Variants in EFCAB11 observed in about 807,000 individuals in gnomAD.
EFCAB11 encodes the protein EF-hand calcium binding domain 11, also known as EF-hand calcium-binding domain-containing protein 11.
EFCAB11 carries 14 observed loss-of-function variants against 23.0 expected under a neutral mutation model. That is an observed-to-expected ratio of 0.61 (90% CI 0.40 to 0.95). The LOEUF is 0.95. Among genes scored for constraint, EFCAB11 ranks in the 40% least tolerant of loss-of-function variants. The pLI, the probability that EFCAB11 is intolerant of heterozygous loss-of-function variation, is 0.00. For missense variants in EFCAB11, 198 were observed against 195.8 expected (o/e 1.01, Z -0.07); for synonymous variants, 65 against 66.6 (o/e 0.98, Z 0.11).
intron 5 of EFCAB11, among the ~76,000 whole-genome samples, chr14:89,815,043 A>C (rs1054715573): frequency 2.0e-5 from 3 of 152,170 alleles, no homozygotes. Context: ...ATATGGGATA[A>C]ACTGTAGGAT....
chr14:89,903,072 A>G (rs1238029809), intron 5 of EFCAB11, among the ~76,000 whole-genome samples: 1 of 152,228 alleles, frequency 6.6e-6, no homozygotes, highest in Non-Finnish European at 1.5e-5. Context: ...CCCCATGAAC[A>G]ATGCCGCATC....
intron 5 of EFCAB11, among the ~76,000 whole-genome samples, chr14:89,891,911 A>AAGCCCG (rs1207323287): frequency 2.6e-5 from 4 of 152,124 alleles, no homozygotes; most frequent in South Asian, 2.1e-4. Flanking sequence ...CCCACAGCCC[A>AAGCCCG]AGCCCGAGCC....
Position 89,892,458 on chromosome 14 carries a change from A to T in EFCAB11, c.410+39083T>A. 4 of 1,538,188 alleles carry T rather than the reference A, an allele frequency of 2.6e-6. No individual in the cohort carries two copies. In the Admixed American group the frequency reaches 6.2e-5, roughly 24 times the overall value. ...TGCCAGTGTTGACTCTAGGAGAGAA[A>T]GGGTTAAAGCAGTCCCAGCCTTAGC... On this transcript the variant is annotated intron_variant, in intron 5 of 5. Coordinates refer to ENST00000316738, the MANE Select transcript of EFCAB11 (RefSeq NM_145231.4).
intron 5 of EFCAB11, among the ~76,000 whole-genome samples, chr14:89,850,671 T>C (rs1009327790): frequency 2.0e-5 from 3 of 152,180 alleles, no homozygotes; most frequent in African/African-American, 7.2e-5. Flanking sequence ...TATGTATGTA[T>C]GTGTGTGTGT....
chr14:89,923,672 C>T (rs991136512), intron 5 of EFCAB11: 4 of 985,126 alleles, frequency 4.1e-6, no homozygotes, highest in Non-Finnish European at 4.8e-6. Context: ...GGCAGATACT[C>T]AAAGACCAAT....
At chr14:89,798,574 T>C (rs1284714210) in intron 5 of EFCAB11, among the ~76,000 whole-genome samples, 1 of 152,250 alleles carries the variant, frequency 6.6e-6, no homozygotes, top group African/African-American at 2.4e-5. Context: ...AACGGCCTTT[T>C]TTCTTTCCAC....
At position 89,919,783 on chromosome 14, in the gene EFCAB11, C is replaced by T. The variant is rs1889966738; in HGVS notation, c.410+11758G>A. Among the ~76,000 whole-genome samples, 4 of 152,246 alleles carry T rather than the reference C, an allele frequency of 2.6e-5. No homozygotes were observed. In the South Asian group the frequency reaches 8.3e-4, roughly 32 times the overall value. On this transcript the variant is annotated intron_variant, in intron 5 of 5. Transcript: ENST00000316738. ...GGGCTGGGGTAGGCAGAGGCAAGAG[C>T]GAGTGCAGGAACTACGAGGCTTCAC...
intron 4 of EFCAB11, among the ~76,000 whole-genome samples, chr14:89,932,290 T>TG (rs1890416690): frequency 6.6e-6 from 1 of 152,160 alleles, no homozygotes; most frequent in Non-Finnish European, 1.5e-5. Context: ...CCCATGACAA[T>TG]CAAGGTACAA....
At chr14:89,934,824 G>A (rs961027121) in intron 3 of EFCAB11, among the ~76,000 whole-genome samples, 1 of 152,090 alleles carries the variant, frequency 6.6e-6, no homozygotes, top group Non-Finnish European at 1.5e-5. Flanking sequence ...CCAAAATCTA[G>A]TCAATTAAGT....
chr14:89,828,429 A>G (rs946463903), intron 5 of EFCAB11, among the ~76,000 whole-genome samples: 1 of 152,162 alleles, frequency 6.6e-6, no homozygotes, highest in Non-Finnish European at 1.5e-5. Flanking sequence ...TACTTTTCTG[A>G]GTATGACAGG....
intron 5 of EFCAB11, 39 bp from the exon 6 acceptor site, chr14:89,797,363 C>A: frequency 1.3e-6 from 2 of 1,568,886 alleles, no homozygotes; most frequent in South Asian, 1.1e-5. Flanking sequence ...ACATTATTCT[C>A]GTTAACACCT....
chr14:89,924,689 CA>C (rs1280827407), intron 5 of EFCAB11: 10 of 1,534,318 alleles, frequency 6.5e-6, no homozygotes, highest in Admixed American at 2.0e-5. Context: ...TGAAATAAAG[CA>C]AAAAGAGACC....
intron 5 of EFCAB11, among the ~76,000 whole-genome samples, chr14:89,889,669 A>G (rs1205692408): frequency 6.6e-6 from 1 of 152,246 alleles, no homozygotes; most frequent in Non-Finnish European, 1.5e-5. Context: ...CCCACTGAAT[A>G]CTTGCTTTCC....
intron 5 of EFCAB11, among the ~76,000 whole-genome samples, chr14:89,867,393 G>A (rs1455974658): frequency 6.6e-6 from 1 of 152,128 alleles, no homozygotes; most frequent in Non-Finnish European, 1.5e-5. Context: ...TTCTGCTGGT[G>A]CCAACATCAT....
rs1890115683 is a variant in EFCAB11, at chr14:89,924,213, A to G, written c.410+7328T>C. The G allele has an allele frequency of 3.0e-6, 3 of 986,252 alleles. No homozygotes were observed. In the South Asian group the frequency reaches 1.4e-4, roughly 46 times the overall value. The allele number at this position is 986,252 out of a possible 1,614,324, so 61.1% of individuals were successfully genotyped here. ...TTCTAATATTCAAAAAAGGAGAGTT[A>G]GATGTCCTATGTCCTTTGACCTTCC... On this transcript the variant is annotated intron_variant, in intron 5 of 5. Transcript: ENST00000316738.
intron 5 of EFCAB11, among the ~76,000 whole-genome samples, chr14:89,855,607 AC>A (rs749038294): frequency 6.6e-6 from 1 of 151,906 alleles, no homozygotes; most frequent in Non-Finnish European, 1.5e-5. Context: ...TTGCACAGTT[AC>A]CCATTTTTTT....
At chr14:89,881,100 AT>A (rs1259762026) in intron 5 of EFCAB11, among the ~76,000 whole-genome samples, 1 of 149,418 alleles carries the variant, frequency 6.7e-6, no homozygotes, top group Non-Finnish European at 1.5e-5. Flanking sequence ...TTATTACCCT[AT>A]TTATTTATTT....
At chr14:89,923,534 A>G in intron 5 of EFCAB11, 3 of 323,370 alleles carry the variant, frequency 9.3e-6, no homozygotes, top group Non-Finnish European at 1.3e-5. Context: ...TGGGACCTCA[A>G]GAAGTCTACT....
chr14:89,887,751 C>A (rs1430896210), intron 5 of EFCAB11, among the ~76,000 whole-genome samples: 1 of 152,060 alleles, frequency 6.6e-6, no homozygotes, highest in Non-Finnish European at 1.5e-5. Context: ...ATAAAGAAAG[C>A]AAACTTAGGC....
Sources: allele counts gnomAD v4.1 joint callset (sites outside exome capture counted in the v4.1 genomes callset), GRCh38; gene constraint gnomAD v4.1.1; transcripts MANE v1.5; gene names NCBI Gene and HGNC (gene_info 2026-07-23, HGNC 2026-07-21).